The following MIA2 variants were observed in gnomAD, a reference collection of about 807,000 sequenced individuals.
MIA2 encodes the protein MIA SH3 domain ER export factor 2.
In MIA2, 127 loss-of-function variants were observed where a neutral mutation model predicts 167.8. The observed-to-expected ratio is 0.76, with a 90% CI of 0.66 to 0.88. The LOEUF (loss-of-function observed/expected upper bound fraction) is 0.88, where lower values mean the gene tolerates loss of function less well. Ranked by LOEUF, MIA2 falls within the 40% of genes least tolerant of loss-of-function variation. The pLI, the probability that MIA2 is intolerant of heterozygous loss-of-function variation, is 0.00. For missense variants in MIA2, 1,690 were observed against 1,624.7 expected (o/e 1.04, Z -0.69); for synonymous variants, 552 against 541.9 (o/e 1.02, Z -0.26).
At chr14:39,267,628 TCCCGAAGC>T in intron 6 of MIA2, 3 of 1,338,270 alleles carry the variant, frequency 2.2e-6, no homozygotes, top group Non-Finnish European at 3.1e-6. Context: ...TGGTCAGAGG[TCCCGAAGC>T]CAGTCCTCGT....
At chr14:39,341,358 C>A (rs2071799322) in intron 25 of MIA2, among the ~76,000 whole-genome samples, 1 of 151,886 alleles carries the variant, frequency 6.6e-6, no homozygotes, top group Non-Finnish European at 1.5e-5. Flanking sequence ...GATAATATAA[C>A]ATATTTATTT....
At chr14:39,354,988 G>T (rs2074483717), downstream of MIA2, among the ~76,000 whole-genome samples, 1 of 152,108 alleles carries the variant, frequency 6.6e-6, no homozygotes, top group Non-Finnish European at 1.5e-5. Context: ...TTGAAGTCAG[G>T]TAGCGTGATG....
chr14:39,313,378 A>C lies in MIA2; in HGVS notation c.3056A>C (p.Glu1019Ala). The change falls in exon 19 of 29, where the codon GAA becomes GCA. Residue 1019 changes from glutamate to alanine, a missense_variant. Transcript: ENST00000640607. ...GAGGAAAATTATCGGTTAGAGAAAG[A>C]AGAGAAACTTTCTAAAGTAGATGAA... ...TVEENYRLEK[E>A]EKLSKVDEKI... is the part of the protein sequence containing the mutation. 1 of 1,603,574 alleles carries C rather than the reference A, an allele frequency of 6.2e-7. No homozygotes were observed. Among genetic ancestry groups the C allele is most frequent in the Non-Finnish European group, 8.5e-7 (1 of 1,174,942 alleles).
chr14:39,290,072 A>C (rs1181653581), intron 9 of MIA2, among the ~76,000 whole-genome samples: 1 of 152,224 alleles, frequency 6.6e-6, no homozygotes, highest in Non-Finnish European at 1.5e-5. Context: ...TCTGGGGAGC[A>C]GAACATAGAC....
intron 21 of MIA2, among the ~76,000 whole-genome samples, chr14:39,316,593 G>C (rs745647852): frequency 1.3e-5 from 2 of 152,162 alleles, no homozygotes; most frequent in African/African-American, 2.4e-5. Context: ...GTATTTCTTA[G>C]ACATGTTGGA....
intron 23 of MIA2, among the ~76,000 whole-genome samples, chr14:39,380,143 A>G (rs2075125105): frequency 6.6e-6 from 1 of 152,248 alleles, no homozygotes; most frequent in Non-Finnish European, 1.5e-5. Context: ...CATTTCCTTC[A>G]GACCTTTAAG....
chr14:39,280,600 G>A (rs142283654), intron 9 of MIA2, among the ~76,000 whole-genome samples: 1,567 of 152,150 alleles, frequency 0.01, 26 homozygotes, highest in African/African-American at 0.035. Flanking sequence ...AAGTGTGGTG[G>A]TGGGTACCTG....
At chr14:39,289,711 G>A (rs576292488) in intron 9 of MIA2, among the ~76,000 whole-genome samples, 14 of 152,220 alleles carry the variant, frequency 9.2e-5, no homozygotes, top group African/African-American at 3.1e-4. Flanking sequence ...TTGAACTCTT[G>A]GCCTCAAGTG....
At chr14:39,261,086 C>T (rs2055082580) in intron 6 of MIA2, among the ~76,000 whole-genome samples, 1 of 151,888 alleles carries the variant, frequency 6.6e-6, no homozygotes, top group Non-Finnish European at 1.5e-5. Context: ...GTGTGCTGCA[C>T]CCATTAACTT....
chr14:39,366,879 G>T (rs2074833162), intron 23 of MIA2, among the ~76,000 whole-genome samples: 1 of 152,194 alleles, frequency 6.6e-6, no homozygotes, highest in African/African-American at 2.4e-5. Context: ...CTCTAGGGAG[G>T]ACAAACTTCA....
intron 17 of MIA2, among the ~76,000 whole-genome samples, chr14:39,305,272 G>C (rs1448406079): frequency 6.6e-6 from 1 of 152,182 alleles, no homozygotes; most frequent in Non-Finnish European, 1.5e-5. Context: ...GTTGCTATAT[G>C]TAAAGCATTG....
chr14:39,293,541 C>A (rs1326991319), intron 11 of MIA2, among the ~76,000 whole-genome samples, 160 bp downstream of exon 11: 2 of 152,038 alleles, frequency 1.3e-5, no homozygotes, highest in Non-Finnish European at 2.9e-5. Flanking sequence ...TTTTCACTTC[C>A]CCCAGATGTT....
chr14:39,303,365 A>G (rs527570608), intron 15 of MIA2, 113 bp from the exon 16 acceptor site: 3 of 763,244 alleles, frequency 3.9e-6, no homozygotes, highest in Admixed American at 2.6e-5. Context: ...TATTGTAGCA[A>G]GAAGAGGGAT....
intron 6 of MIA2, among the ~76,000 whole-genome samples, chr14:39,268,318 T>G (rs972833044): frequency 6.6e-6 from 1 of 152,202 alleles, no homozygotes; most frequent in African/African-American, 2.4e-5. Flanking sequence ...CCATGGTGTT[T>G]ATGAGTTCAT....
intron 6 of MIA2, among the ~76,000 whole-genome samples, chr14:39,271,752 A>C (rs1355034645): frequency 6.6e-6 from 1 of 151,892 alleles, no homozygotes; most frequent in Non-Finnish European, 1.5e-5. Flanking sequence ...CAACTTGGTG[A>C]AACTGTTGTG....
intron 22 of MIA2, 80 bp downstream of exon 22, chr14:39,318,091 A>G: frequency 9.6e-7 from 1 of 1,042,152 alleles, no homozygotes; most frequent in Non-Finnish European, 1.4e-6. Flanking sequence ...AAGGTTAAGC[A>G]AGAAAACTTG....
chr14:39,288,456 TATATATATA>T (rs1440963805), intron 9 of MIA2, among the ~76,000 whole-genome samples: 396 of 14,338 alleles, frequency 0.028, 33 homozygotes, highest in Non-Finnish European at 0.06. Flanking sequence ...TATATATATA[TATATATATA>T]TATATATATA....
At chr14:39,266,210 T>C (rs1229600645) in intron 6 of MIA2, 29 of 985,276 alleles carry the variant, frequency 2.9e-5, no homozygotes, top group Non-Finnish European at 3.5e-5. Context: ...CCAAAGTACT[T>C]GAGTGAGAAG....
intron 9 of MIA2, among the ~76,000 whole-genome samples, chr14:39,290,668 T>C (rs2152821428): frequency 6.6e-6 from 1 of 152,334 alleles, no homozygotes; most frequent in Non-Finnish European, 1.5e-5. Context: ...AATACGCTCT[T>C]TGAGTAAATC....
Sources: gnomAD v4.1 joint callset for allele counts (sites outside exome capture counted in the v4.1 genomes callset) on GRCh38, gnomAD v4.1.1 for gene constraint, MANE v1.5 for transcripts, NCBI Gene and HGNC (gene_info 2026-07-23, HGNC 2026-07-21) for gene names.